The following ERBB4 variants were observed in gnomAD, a reference collection of about 807,000 sequenced individuals.
The protein encoded by ERBB4 is erb-b2 receptor tyrosine kinase 4.
Under a neutral mutation model 158.0 loss-of-function variants are expected in ERBB4, and 42 were observed. The ratio of observed to expected loss-of-function variants is 0.27; its 90% CI spans 0.21 to 0.34. The LOEUF (loss-of-function observed/expected upper bound fraction) is 0.34, where lower values mean the gene tolerates loss of function less well. ERBB4 is among the 10% of genes least tolerant of loss of function. The pLI, the probability that ERBB4 is intolerant of heterozygous loss-of-function variation, is 1.00. For missense variants in ERBB4, 1,333 were observed against 1,624.1 expected (o/e 0.82, Z 3.08); for synonymous variants, 583 against 558.7 (o/e 1.04, Z -0.61).
At chr2:212,312,773 T>C (rs751632190) in intron 1 of ERBB4, among the ~76,000 whole-genome samples, 12 of 150,878 alleles carry the variant, frequency 8.0e-5, no homozygotes, top group Non-Finnish European at 1.3e-4. Context: ...TTTATTCTTA[T>C]TTGCTTTATT....
At chr2:211,751,386 A>G (rs1170354528) in intron 4 of ERBB4, among the ~76,000 whole-genome samples, 1 of 152,192 alleles carries the variant, frequency 6.6e-6, no homozygotes, top group East Asian at 1.9e-4. Context: ...ACTGAAAATA[A>G]AGAATATTAG....
At chr2:212,519,114 G>A (rs530615025) in intron 1 of ERBB4, among the ~76,000 whole-genome samples, 6 of 151,886 alleles carry the variant, frequency 4.0e-5, no homozygotes, top group East Asian at 3.9e-4. Flanking sequence ...CCTAAACTGC[G>A]TTTCTACACT....
chr2:211,445,371 CA>C (rs1240371147), intron 20 of ERBB4, among the ~76,000 whole-genome samples: 1 of 152,036 alleles, frequency 6.6e-6, no homozygotes, highest in Non-Finnish European at 1.5e-5. Context: ...GGGACCTTAC[CA>C]ATGAGGTTAA....
At chr2:212,229,687 T>C (rs4375810) in intron 1 of ERBB4, among the ~76,000 whole-genome samples, 58,022 of 151,980 alleles carry the variant, frequency 0.38, 12,935 homozygotes, top group East Asian at 0.76. Context: ...TTACAGCTTA[T>C]CCAGGTGATA....
chr2:211,843,874 C>T (rs911317153), intron 3 of ERBB4, among the ~76,000 whole-genome samples: 9 of 151,796 alleles, frequency 5.9e-5, no homozygotes, highest in African/African-American at 1.9e-4. Context: ...TATAAGAAAA[C>T]GTGACTTTCT....
chr2:212,416,423 G>A (rs986857117), intron 1 of ERBB4, among the ~76,000 whole-genome samples: 14 of 152,108 alleles, frequency 9.2e-5, no homozygotes, highest in Admixed American at 2.0e-4. Flanking sequence ...GATGCAACCC[G>A]TACTTAGGAA....
At position 212,355,463 on chromosome 2, in the gene ERBB4, T is replaced by C. The variant is rs1394790; in HGVS notation, c.82+182986A>G. On this transcript the variant is annotated intron_variant, in intron 1 of 27. Coordinates refer to ENST00000342788, the MANE Select transcript of ERBB4 (RefSeq NM_005235.3). ...TACTGAAGTCTTTAAATAGTCATTG[T>C]ATGTTGAGTGGCACTTGGCCCAGCT... Among the ~76,000 whole-genome samples the C allele has an allele frequency of 3.3e-3, 502 of 152,174 alleles. 15 individuals carry two copies. The highest frequency in any genetic ancestry group is 0.032 in the Admixed American group (484 of 15,216).
At chr2:211,712,290 A>C in intron 8 of ERBB4, 114 bp from the exon 9 acceptor site, 1 of 1,042,148 alleles carries the variant, frequency 9.6e-7, no homozygotes, top group Non-Finnish European at 1.4e-6. Flanking sequence ...TATAAAATAT[A>C]TTACAAATTT....
chr2:211,734,898 C>T (rs559891534), intron 5 of ERBB4, among the ~76,000 whole-genome samples: 16 of 107,162 alleles, frequency 1.5e-4, no homozygotes, highest in African/African-American at 5.8e-4. Context: ...GGGCGACAAG[C>T]GAGACTCTGT....
chr2:212,260,517 G>C (rs573656844), intron 1 of ERBB4, among the ~76,000 whole-genome samples: 1 of 152,068 alleles, frequency 6.6e-6, no homozygotes, highest in Non-Finnish European at 1.5e-5. Context: ...GGTGATGGTA[G>C]TTAAGAAAGT....
At chr2:212,190,001 A>G (rs867452405) in intron 1 of ERBB4, among the ~76,000 whole-genome samples, 4 of 152,210 alleles carry the variant, frequency 2.6e-5, no homozygotes, top group Non-Finnish European at 2.9e-5. Flanking sequence ...ACACCTTTTT[A>G]TAATAAAGCC....
chr2:212,238,907 G>C (rs2083980240), intron 1 of ERBB4, among the ~76,000 whole-genome samples: 1 of 151,994 alleles, frequency 6.6e-6, no homozygotes, highest in Non-Finnish European at 1.5e-5. Flanking sequence ...AGAGTGCTAA[G>C]TATACTTACT....
chr2:212,177,764 C>T (rs3942465), intron 1 of ERBB4, among the ~76,000 whole-genome samples: 120,701 of 151,816 alleles, frequency 0.8, 49,611 homozygotes, highest in African/African-American at 0.95. Context: ...TCTGGAAAGA[C>T]GGATCCATAT....
chr2:211,948,290 G>C (rs1187794714), intron 2 of ERBB4, among the ~76,000 whole-genome samples: 1 of 151,794 alleles, frequency 6.6e-6, no homozygotes, highest in Non-Finnish European at 1.5e-5. Flanking sequence ...CAAAAAATTA[G>C]CTGGGTGTGG....
chr2:212,458,723 C>G (rs1269328633), intron 1 of ERBB4, among the ~76,000 whole-genome samples: 1 of 151,768 alleles, frequency 6.6e-6, no homozygotes, highest in Non-Finnish European at 1.5e-5. Context: ...GGGTTCCAGA[C>G]AGAAACTACT....
intron 3 of ERBB4, among the ~76,000 whole-genome samples, chr2:211,835,900 C>T (rs1159063828): frequency 6.6e-6 from 1 of 151,926 alleles, no homozygotes; most frequent in Non-Finnish European, 1.5e-5. Flanking sequence ...GTTTGAGGAA[C>T]AGTTGAATAC....
intron 1 of ERBB4, among the ~76,000 whole-genome samples, chr2:212,473,047 T>C (rs954763328): frequency 3.9e-5 from 6 of 151,942 alleles, no homozygotes; most frequent in African/African-American, 7.2e-5. Flanking sequence ...AAGTTGAATA[T>C]AGAATAAAAT....
At position 212,231,292 on chromosome 2, in the gene ERBB4, G is replaced by GA. The variant is rs894465595; in HGVS notation, c.83-106390dup. On this transcript the variant is annotated intron_variant, in intron 1 of 27. Coordinates refer to ENST00000342788, the MANE Select transcript of ERBB4 (RefSeq NM_005235.3). ...GACAAAACCTGAGGGTGTCCGAAAG[G>GA]AAAAAAAAAACAGGTTATAAAACCT... Among the ~76,000 whole-genome samples, 860 of 145,910 alleles carry GA rather than the reference G, an allele frequency of 5.9e-3. 8 individuals are homozygous for GA. Among genetic ancestry groups the GA allele is most frequent in the African/African-American group, 8.0e-3 (319 of 39,922 alleles).
chr2:211,712,167 C>A lies in ERBB4; in HGVS notation c.1007G>T (p.Gly336Val), dbSNP rs866948313. ...CTDICPKACD[G>V]IGTGSLMSAQ... is the part of the protein sequence containing the mutation. ...TGACATCAATGATCCTGTGCCAATGCCATCACAAGCTGTAGAAACAAGACT... is the reference window on the plus strand; with the variant it reads ...TGACATCAATGATCCTGTGCCAATGACATCACAAGCTGTAGAAACAAGACT... The change falls in exon 9 of 28, where the codon GGC (glycine) becomes GTC (valine). Residue 336 changes from glycine to valine, a missense_variant. Physicochemically the swap from Gly to Val is moderately radical, Grantham distance 109. Around this residue, in one of 5 missense-constraint regions of ERBB4, gnomAD observed 438 missense variants for 586.9 expected, o/e 0.75. Transcript: ENST00000342788. 1 of 1,613,180 alleles carries A rather than the reference C, an allele frequency of 6.2e-7. No individual in the cohort carries two copies. Among genetic ancestry groups the A allele is most frequent in the African/African-American group, 1.3e-5 (1 of 74,844 alleles).
Sources: gnomAD v4.1 joint callset for allele counts (sites outside exome capture counted in the v4.1 genomes callset) on GRCh38, gnomAD v4.1.1 for gene constraint, gnomAD v4.1.1 regional missense constraint, MANE v1.5 for transcripts, NCBI Gene and HGNC (gene_info 2026-07-23, HGNC 2026-07-21) for gene names.